PFDN2: variants seen among roughly 807,000 people sequenced by gnomAD.
PFDN2 encodes the protein prefoldin 2.
Under a neutral mutation model 18.3 loss-of-function variants are expected in PFDN2, and 7 were observed. That is an observed-to-expected ratio of 0.38 (90% CI 0.22 to 0.72). PFDN2 has a LOEUF of 0.72. Among genes scored for constraint, PFDN2 ranks in the 30% least tolerant of loss-of-function variants. PFDN2 has a pLI of 0.47. For synonymous variants in PFDN2, 76 were observed against 75.0 expected (o/e 1.01, Z -0.07); for missense variants, 181 against 199.1 (o/e 0.91, Z 0.55).
chr1:161,104,423 A>G (rs1424899462), intron 1 of PFDN2, among the ~76,000 whole-genome samples: 10 of 149,634 alleles, frequency 6.7e-5, no homozygotes, highest in Admixed American at 6.6e-4. Context: ...CTAGGGCCCT[A>G]TCTCTTTTTT....
intron 3 of PFDN2, among the ~76,000 whole-genome samples, chr1:161,101,736 G>A (rs1654566182): frequency 6.6e-6 from 1 of 151,970 alleles, no homozygotes. Flanking sequence ...ATAGCATAAT[G>A]AGCATAGGCT....
chr1:161,101,838 C>T (rs1231121161), intron 3 of PFDN2, among the ~76,000 whole-genome samples: 1 of 152,156 alleles, frequency 6.6e-6, no homozygotes, highest in Non-Finnish European at 1.5e-5. Context: ...ACTGAAGCCT[C>T]GACATTTTAG....
intron 1 of PFDN2, among the ~76,000 whole-genome samples, chr1:161,115,372 A>ATAAGTTT (rs1553226856): frequency 6.6e-6 from 1 of 152,218 alleles, no homozygotes; most frequent in Non-Finnish European, 1.5e-5. Flanking sequence ...CCAACAATTC[A>ATAAGTTT]TAAGTTTTAA....
At chr1:161,101,091 T>C (rs569890423) in intron 3 of PFDN2, among the ~76,000 whole-genome samples, 12 of 152,334 alleles carry the variant, frequency 7.9e-5, no homozygotes, top group African/African-American at 2.6e-4. Flanking sequence ...GTTCCTACTA[T>C]GTTACCCAGG....
intron 1 of PFDN2, among the ~76,000 whole-genome samples, chr1:161,108,501 G>C (rs996976673): frequency 6.0e-5 from 9 of 150,470 alleles, no homozygotes; most frequent in Non-Finnish European, 1.3e-4. Context: ...GGACATAGAG[G>C]ATGCAGTGAG....
intron 1 of PFDN2, among the ~76,000 whole-genome samples, chr1:161,104,406 A>G (rs1654637827): frequency 6.6e-6 from 1 of 150,648 alleles, no homozygotes; most frequent in Admixed American, 6.6e-5. Context: ...TAACCACTTC[A>G]TCTTTACTAG....
intron 1 of PFDN2, among the ~76,000 whole-genome samples, chr1:161,109,090 C>T (rs914608809): frequency 3.3e-5 from 5 of 152,138 alleles, no homozygotes; most frequent in African/African-American, 4.8e-5. Flanking sequence ...ATATAAAGAC[C>T]GGGTTCCAGT....
At chr1:161,113,145 G>A (rs1654842161) in intron 1 of PFDN2, among the ~76,000 whole-genome samples, 1 of 152,016 alleles carries the variant, frequency 6.6e-6, no homozygotes, top group South Asian at 2.1e-4. Flanking sequence ...ATCCTTCTGT[G>A]ACTTCCTCAC....
At chr1:161,109,483 T>C (rs1226572246) in intron 1 of PFDN2, among the ~76,000 whole-genome samples, 3 of 152,256 alleles carry the variant, frequency 2.0e-5, no homozygotes, top group Non-Finnish European at 2.9e-5. Flanking sequence ...ATTGTAAATA[T>C]GCAAATGCAA....
At chr1:161,101,961 G>T in intron 3 of PFDN2, 87 bp downstream of exon 3, 1 of 1,411,070 alleles carries the variant, frequency 7.1e-7, no homozygotes, top group Non-Finnish European at 9.9e-7. Flanking sequence ...TCGAACTCCC[G>T]GACTCAAAGA....
chr1:161,100,794 G>C lies in PFDN2; in HGVS notation c.354C>G (p.Phe118Leu). The C allele has an allele frequency of 6.2e-7, 1 of 1,613,898 alleles. No individual in the cohort carries two copies. The highest frequency in any genetic ancestry group is 8.5e-7 in the Non-Finnish European group (1 of 1,179,838). ...LQAKGKELNE[F>L]REKHNIRLMG... ...TGAGACGAATGTTGTGCTTTTCCCG[G>C]AATTCATTTAGTTCTTTTCCCTTTG... Residue 118 changes from phenylalanine to leucine, a missense_variant, in exon 4 of 4, where the codon TTC (phenylalanine) becomes TTG (leucine). Coordinates refer to ENST00000368010, the MANE Select transcript of PFDN2 (RefSeq NM_012394.4).
At chr1:161,108,543 C>CAATA (rs1654734282) in intron 1 of PFDN2, among the ~76,000 whole-genome samples, 1 of 148,184 alleles carries the variant, frequency 6.7e-6, no homozygotes, top group Admixed American at 6.8e-5. Context: ...CCAGCCTGGG[C>CAATA]AATAGAGTGA....
At chr1:161,109,792 G>A (rs1366352504) in intron 1 of PFDN2, among the ~76,000 whole-genome samples, 3 of 152,142 alleles carry the variant, frequency 2.0e-5, no homozygotes, top group Non-Finnish European at 4.4e-5. Flanking sequence ...CCAGGAGTTC[G>A]AGACCAGTCT....
At chr1:161,106,816 T>A (rs946855206) in intron 1 of PFDN2, among the ~76,000 whole-genome samples, 2 of 152,018 alleles carry the variant, frequency 1.3e-5, no homozygotes, top group African/African-American at 4.8e-5. Context: ...TTTTTTAAAC[T>A]TTTTGTAGTG....
In PFDN2 at chr1:161,102,134, G is replaced by T; in HGVS notation, c.202C>A (p.Arg68Ser). The T allele has an allele frequency of 6.2e-7, 1 of 1,614,118 alleles. No individual in the cohort carries two copies. The highest frequency in any genetic ancestry group is 8.5e-7 in the Non-Finnish European group (1 of 1,179,984). Residue 68 changes from arginine (R) to serine (S), a missense_variant, in exon 3 of 4, where the codon CGT (arginine) becomes AGT (serine). Arg to Ser is a moderately radical substitution (Grantham distance 110). Coordinates refer to ENST00000368010, the MANE Select transcript of PFDN2 (RefSeq NM_012394.4). Reference sequence around the variant, plus strand: ...CCTCCAACCATGCGGTAGCACTTACGAGTTTCATCTACCTCCTTCAGTGTA... The same window carrying T: ...CCTCCAACCATGCGGTAGCACTTACTAGTTTCATCTACCTCCTTCAGTGTA... ...IDTLKEVDET[R>S]KCYRMVGGVL...
chr1:161,108,928 T>A (rs1654743871), intron 1 of PFDN2, among the ~76,000 whole-genome samples: 1 of 152,176 alleles, frequency 6.6e-6, no homozygotes, highest in African/African-American at 2.4e-5. Context: ...TATTATACCC[T>A]CCTGATTTCT....
chr1:161,100,775 G>A lies in PFDN2; in HGVS notation c.373C>T (p.Arg125Cys), dbSNP rs769160970. ...LNEFREKHNI[R>C]LMGEDEKPAA... ...GGCTTCTCATCTTCTCCCATGAGAC[G>A]AATGTTGTGCTTTTCCCGGAATTCA... Residue 125 changes from arginine to cysteine, a missense_variant, in exon 4 of 4, where the codon CGT (arginine) becomes TGT (cysteine). Transcript: ENST00000368010. 8 of 1,613,688 alleles carry A rather than the reference G, an allele frequency of 5.0e-6. No homozygotes were observed. Among genetic ancestry groups the A allele is most frequent in the South Asian group, 2.2e-5 (2 of 91,070 alleles).
At chr1:161,112,447 G>A (rs899289235) in intron 1 of PFDN2, among the ~76,000 whole-genome samples, 1 of 152,054 alleles carries the variant, frequency 6.6e-6, no homozygotes, top group African/African-American at 2.4e-5. Context: ...TTTAAAGATG[G>A]GGTCTCCCTA....
At chr1:161,104,198 T>A (rs565034989) in intron 1 of PFDN2, among the ~76,000 whole-genome samples, 1 of 152,282 alleles carries the variant, frequency 6.6e-6, no homozygotes, top group African/African-American at 2.4e-5. Context: ...AACCAATGAG[T>A]GTGAAACATC....
Sources: gnomAD v4.1 joint callset for allele counts (sites outside exome capture counted in the v4.1 genomes callset) on GRCh38, gnomAD v4.1.1 for gene constraint, MANE v1.5 for transcripts, NCBI Gene and HGNC (gene_info 2026-07-23, HGNC 2026-07-21) for gene names.